ANKS1B: variants seen among roughly 807,000 people sequenced by gnomAD.
ANKS1B encodes the protein ankyrin repeat and sterile alpha motif domain-containing protein 1B.
ANKS1B carries 36 observed loss-of-function variants against 148.3 expected under a neutral mutation model. The ratio of observed to expected loss-of-function variants is 0.24; its 90% confidence interval spans 0.19 to 0.32. The LOEUF (loss-of-function observed/expected upper bound fraction) is 0.32. Among genes scored for constraint, ANKS1B ranks in the 10% least tolerant of loss-of-function variants. The pLI, the probability that ANKS1B is intolerant of heterozygous loss-of-function variation, is 1.00. For missense variants in ANKS1B, 1,157 were observed against 1,542.6 expected (o/e 0.75, Z 4.19); for synonymous variants, 542 against 560.8 (o/e 0.97, Z 0.47).
rs141177655 is a variant in ANKS1B, at chr12:99,526,556, A to G, written c.1273-21915T>C. On this transcript the variant is annotated intron_variant, in intron 9 of 26. Transcript: ENST00000683438. ...GAGAAAAACTAATCAGATCTCACCA[A>G]TATCAATCGTCTGAGCTGTGAATGG... Among the ~76,000 whole-genome samples the G allele has an allele frequency of 1.5e-3, 231 of 152,282 alleles. No individual in the cohort carries two copies. The East Asian group carries it at 0.016, about 11-fold the overall frequency.
At chr12:99,615,208 T>C (rs550518266) in intron 9 of ANKS1B, among the ~76,000 whole-genome samples, 21 of 150,926 alleles carry the variant, frequency 1.4e-4, no homozygotes, top group African/African-American at 3.2e-4. Flanking sequence ...GACAGACAGA[T>C]ACACACACAT....
intron 1 of ANKS1B, among the ~76,000 whole-genome samples, chr12:99,884,480 A>G (rs1434711692): frequency 6.6e-6 from 1 of 152,226 alleles, no homozygotes; most frequent in African/African-American, 2.4e-5. Context: ...ATTCATAAAT[A>G]AAAAATGCAT....
intron 12 of ANKS1B, among the ~76,000 whole-genome samples, chr12:99,304,271 C>A (rs764300597): frequency 1.3e-5 from 2 of 152,092 alleles, no homozygotes; most frequent in Admixed American, 6.6e-5. Context: ...TCCATGCCAA[C>A]ATCTATTATT....
chr12:99,645,426 A>G lies in ANKS1B; in HGVS notation c.1272+9641T>C, dbSNP rs1169665141. Among the ~76,000 whole-genome samples, 23 of 152,104 alleles carry G rather than the reference A, an allele frequency of 1.5e-4. 1 individual carries two copies. Among genetic ancestry groups the G allele is most frequent in the Admixed American group, 1.5e-3 (23 of 15,262 alleles). On this transcript the variant is annotated intron_variant, in intron 9 of 26. Coordinates refer to ENST00000683438, the MANE Select transcript of ANKS1B (RefSeq NM_001352186.2). Reference sequence around the variant, plus strand: ...TGTAGTAGTTTTGTTGTTGGGAGAGAGGGGGAAAGCTAAAGCCCTATCACA... The same window carrying G: ...TGTAGTAGTTTTGTTGTTGGGAGAGGGGGGGAAAGCTAAAGCCCTATCACA...
chr12:98,906,108 C>T (rs939934960), intron 17 of ANKS1B, among the ~76,000 whole-genome samples: 2 of 152,142 alleles, frequency 1.3e-5, no homozygotes, highest in African/African-American at 4.8e-5. Context: ...TAAATGGGTC[C>T]CTAGTGGGTA....
chr12:99,493,626 T>C (rs1437239840), intron 10 of ANKS1B, among the ~76,000 whole-genome samples: 1 of 152,136 alleles, frequency 6.6e-6, no homozygotes, highest in African/African-American at 2.4e-5. Flanking sequence ...TATTTGAATA[T>C]GAGGAATTGA....
intron 12 of ANKS1B, among the ~76,000 whole-genome samples, chr12:99,316,300 G>A (rs1484225105): frequency 6.6e-6 from 1 of 152,148 alleles, no homozygotes; most frequent in African/African-American, 2.4e-5. Context: ...GTGTGAAAGT[G>A]TTCCTGTTTC....
At position 99,154,158 on chromosome 12, in the gene ANKS1B, A is replaced by G. The variant is rs1315961427; in HGVS notation, c.2526+131T>C. ...GCAAGTTCAGTCCTAAGGGCATCCA[A>G]TTTTCCAATGCAGTTACATATATAA... is the stretch of plus-strand genomic sequence containing the variant. On this transcript the variant is annotated intron_variant, in intron 15 of 26. Coordinates refer to ENST00000683438, the MANE Select transcript of ANKS1B (RefSeq NM_001352186.2). The G allele has an allele frequency of 3.4e-6, 4 of 1,166,094 alleles. No homozygotes were observed. The East Asian group carries it at 7.7e-5, about 22-fold the overall frequency. The allele number at this position is 1,166,094 out of a possible 1,614,324, so 72.2% of individuals were successfully genotyped here.
At chr12:99,507,623 G>T (rs1472678064) in intron 9 of ANKS1B, among the ~76,000 whole-genome samples, 4 of 151,866 alleles carry the variant, frequency 2.6e-5, no homozygotes, top group South Asian at 4.1e-4. Context: ...CTAATGGAGG[G>T]CCATAATTTC....
intron 17 of ANKS1B, among the ~76,000 whole-genome samples, chr12:98,902,346 A>G (rs148125189): frequency 2.2e-3 from 342 of 152,376 alleles, no homozygotes; most frequent in Middle Eastern, 0.014. Context: ...TTTAAGCAAC[A>G]GAACAGCCAC....
At chr12:99,967,408 T>C (rs2095498072) in intron 1 of ANKS1B, among the ~76,000 whole-genome samples, 1 of 152,092 alleles carries the variant, frequency 6.6e-6, no homozygotes, top group Non-Finnish European at 1.5e-5. Context: ...AGACTCGGAA[T>C]TTTTCCATTA....
intron 12 of ANKS1B, among the ~76,000 whole-genome samples, chr12:99,351,506 A>G (rs906019410): frequency 6.6e-6 from 1 of 151,986 alleles, no homozygotes; most frequent in Non-Finnish European, 1.5e-5. Flanking sequence ...ACATTTTAAA[A>G]TAAGACAGAC....
chr12:99,043,463 T>C (rs2099960374), intron 17 of ANKS1B, among the ~76,000 whole-genome samples: 1 of 152,228 alleles, frequency 6.6e-6, no homozygotes, highest in Non-Finnish European at 1.5e-5. Flanking sequence ...ATTTAAGAAA[T>C]TGCTTTAGGG....
intron 10 of ANKS1B, among the ~76,000 whole-genome samples, chr12:99,466,435 A>C (rs540014574): frequency 6.6e-6 from 1 of 151,816 alleles, no homozygotes; most frequent in Non-Finnish European, 1.5e-5. Context: ...AAATAACTAA[A>C]ATCAGAGCAG....
At position 99,412,831 on chromosome 12, in the gene ANKS1B, G is replaced by A. The variant is rs556870452; in HGVS notation, c.1576-13020C>T. 2.8e-4 allele frequency among the ~76,000 whole-genome samples: 42 copies of A among 152,228 alleles called. No individual in the cohort carries two copies. In the South Asian group the frequency reaches 6.6e-3, roughly 24 times the overall value. ...AGATTTGAGGAAGTCTGGACAACTC[G>A]AAGAAAGTAAGTATCATTGCCATTT... On this transcript the variant is annotated intron_variant, in intron 11 of 26. Coordinates refer to ENST00000683438, the MANE Select transcript of ANKS1B (RefSeq NM_001352186.2).
At chr12:98,759,719 C>T (rs1376375914) in intron 25 of ANKS1B, among the ~76,000 whole-genome samples, 6 of 152,130 alleles carry the variant, frequency 3.9e-5, no homozygotes, top group Non-Finnish European at 5.9e-5. Flanking sequence ...AAGTAGAATA[C>T]TAGGTAGCCA....
intron 9 of ANKS1B, among the ~76,000 whole-genome samples, chr12:99,599,338 G>A (rs1227835223): frequency 7.2e-5 from 11 of 152,082 alleles, no homozygotes; most frequent in Non-Finnish European, 1.6e-4. Flanking sequence ...AATGTGGCAG[G>A]TGGGAGGGGT....
chr12:99,251,408 A>C (rs928857291), intron 12 of ANKS1B, among the ~76,000 whole-genome samples: 2 of 152,184 alleles, frequency 1.3e-5, no homozygotes, highest in African/African-American at 4.8e-5. Flanking sequence ...ATACTTTGGA[A>C]AGAATTTTTT....
chr12:99,417,901 G>A (rs552523863), intron 11 of ANKS1B, among the ~76,000 whole-genome samples: 2 of 152,298 alleles, frequency 1.3e-5, no homozygotes, highest in South Asian at 4.1e-4. Context: ...GAAAAACCCT[G>A]CAGGCTAGGA....
Sources: allele counts gnomAD v4.1 joint callset (sites outside exome capture counted in the v4.1 genomes callset), GRCh38; gene constraint gnomAD v4.1.1; transcripts MANE v1.5; gene names NCBI Gene and HGNC (gene_info 2026-07-23, HGNC 2026-07-21).